KAT14: variants seen among roughly 807,000 people sequenced by gnomAD.
KAT14 encodes lysine acetyltransferase 14, also known as cysteine-rich protein 2-binding protein.
A neutral mutation model predicts 78.4 loss-of-function variants in KAT14; 66 were observed. The observed-to-expected ratio is 0.84, with a 90% CI of 0.69 to 1.03. KAT14 has a LOEUF of 1.03. Among genes scored for constraint, KAT14 ranks in the 50% least tolerant of loss-of-function variants. The pLI is 0.00. For synonymous variants in KAT14, 344 were observed against 359.4 expected, an observed-to-expected ratio of 0.96 and a Z score of 0.48; for missense variants, 870 against 972.5, an observed-to-expected ratio of 0.89 and a Z score of 1.40.
intron 4 of KAT14, among the ~76,000 whole-genome samples, chr20:18,156,941 AT>A (rs972869143): frequency 6.6e-6 from 1 of 152,194 alleles, no homozygotes; most frequent in Non-Finnish European, 1.5e-5. Context: ...CTGGCCGATA[AT>A]TTTATAAACA....
At chr20:18,154,300 T>C (rs2038146654) in intron 4 of KAT14, among the ~76,000 whole-genome samples, 2 of 152,220 alleles carry the variant, frequency 1.3e-5, no homozygotes, top group Admixed American at 1.3e-4. Flanking sequence ...TAGGACGTAC[T>C]TTATTTATTT....
chr20:18,151,111 A>C (rs2038020948), intron 4 of KAT14, among the ~76,000 whole-genome samples, 169 bp downstream of exon 4: 1 of 151,826 alleles, frequency 6.6e-6, no homozygotes, highest in Admixed American at 6.6e-5. Flanking sequence ...TGCATCCTCA[A>C]CCTCCTGGGC....
At chr20:18,138,878 C>CTGGAA (rs1331279745) in intron 1 of KAT14, among the ~76,000 whole-genome samples, 3 of 152,218 alleles carry the variant, frequency 2.0e-5, no homozygotes, top group Non-Finnish European at 4.4e-5. Flanking sequence ...AAACTCCACT[C>CTGGAA]TTCCAGAGTC....
At chr20:18,150,526 C>G (rs1159638864) in intron 3 of KAT14, among the ~76,000 whole-genome samples, 1 of 152,068 alleles carries the variant, frequency 6.6e-6, no homozygotes, top group Non-Finnish European at 1.5e-5. Flanking sequence ...TCAGCTGATT[C>G]AGGGGCATCT....
chr20:18,175,414 T>C (rs961856603), intron 7 of KAT14, among the ~76,000 whole-genome samples: 3 of 152,068 alleles, frequency 2.0e-5, no homozygotes, highest in African/African-American at 7.2e-5. Context: ...AGGAGATGGC[T>C]TAACCAAGCA....
chr20:18,180,995 C>G (rs2039227291), intron 7 of KAT14, among the ~76,000 whole-genome samples: 1 of 152,068 alleles, frequency 6.6e-6, no homozygotes, highest in Non-Finnish European at 1.5e-5. Context: ...GATAACAGAG[C>G]AATCATATAA....
At chr20:18,175,839 G>A (rs1251034192) in intron 7 of KAT14, among the ~76,000 whole-genome samples, 1 of 150,432 alleles carries the variant, frequency 6.6e-6, no homozygotes, top group Admixed American at 6.6e-5. Context: ...GGCAACATGA[G>A]GAAACCTCGT....
rs1459965937 is a variant in KAT14 at position 18,184,872 on chromosome 20, GC to G, written c.2172+83del. On this transcript the variant is annotated intron_variant, in intron 10 of 10. Coordinates refer to ENST00000688188, the MANE Select transcript of KAT14 (RefSeq NM_001392073.1). The stretch of plus-strand genomic sequence containing the variant: ...CTGGAGGAGGAATGAAGCTGAGCTA[GC>G]CCTTCCCAGCATGGCCCAATGGAAT... 29 of 1,439,730 alleles carry G rather than the reference GC, an allele frequency of 2.0e-5. No individual in the cohort carries two copies. In the African/African-American group the frequency reaches 3.2e-4, roughly 16 times the overall value. 89.2% of individuals were successfully genotyped at this position (1,439,730 alleles called of 1,614,324 possible). A position where few individuals can be genotyped will look rare whatever the true frequency, so the allele number is the denominator to read the frequency against.
chr20:18,179,772 T>G (rs2039181307), intron 7 of KAT14, among the ~76,000 whole-genome samples: 1 of 152,274 alleles, frequency 6.6e-6, no homozygotes, highest in African/African-American at 2.4e-5. Context: ...AATAGGTTTT[T>G]CTTTTCTACT....
chr20:18,138,333 C>A, intron 1 of KAT14: 1 of 1,124,332 alleles, frequency 8.9e-7, no homozygotes, highest in East Asian at 4.7e-5. Context: ...TTGCTCCGCA[C>A]AGGCACGGCA....
chr20:18,188,015 TAAAC>T lies in KAT14; in HGVS notation c.*557_*560del, dbSNP rs1166167809. ...TGACTTTGGTTACAGTCAGAAAAAA[TAAAC>T]TAGATGTTTGTGTCTACATGTTCTA... On this transcript the variant is annotated 3_prime_UTR_variant, in exon 11 of 11. Coordinates refer to ENST00000688188, the MANE Select transcript of KAT14 (RefSeq NM_001392073.1). 1 of 155,584 alleles carries T rather than the reference TAAAC, an allele frequency of 6.4e-6. No homozygotes were observed. Among genetic ancestry groups the T allele is most frequent in the Non-Finnish European group, 1.4e-5 (1 of 70,308 alleles). The allele number at this position is 155,584 out of a possible 1,614,324, so 9.6% of individuals were successfully genotyped here.
intron 7 of KAT14, among the ~76,000 whole-genome samples, 182 bp downstream of exon 7, chr20:18,163,127 A>T (rs2038510405): frequency 6.6e-6 from 1 of 152,240 alleles, no homozygotes; most frequent in South Asian, 2.1e-4. Flanking sequence ...AGAATTGTTC[A>T]TTGTAAGTAC....
At position 18,181,827 on chromosome 20, in the gene KAT14, A is replaced by C; in HGVS notation, c.1786A>C (p.Ile596Leu). The C allele has an allele frequency of 6.2e-7, 1 of 1,614,096 alleles. No homozygotes were observed. The highest frequency in any genetic ancestry group is 8.5e-7 in the Non-Finnish European group (1 of 1,180,004). ...TATTGTCAGCCCTTATACCTCTCGGATCTTGAAACCTTATATCAGGTATAT... is the reference window on the plus strand; with the variant it reads ...TATTGTCAGCCCTTATACCTCTCGGCTCTTGAAACCTTATATCAGGTATAT... ...QSIVSPYTSRILKPYIRRDYE... is the reference protein window; with the variant it reads ...QSIVSPYTSRLLKPYIRRDYE... The change falls in exon 8 of 11, where the codon ATC (isoleucine) becomes CTC (leucine). Residue 596 changes from isoleucine (I) to leucine (L), a missense_variant. By Grantham distance (5) the Ile-to-Leu change is conservative (BLOSUM62 2). Coordinates refer to ENST00000688188, the MANE Select transcript of KAT14 (RefSeq NM_001392073.1).
chr20:18,139,135 G>C (rs2037421866), intron 1 of KAT14, among the ~76,000 whole-genome samples: 1 of 152,230 alleles, frequency 6.6e-6, no homozygotes, highest in Non-Finnish European at 1.5e-5. Flanking sequence ...AATTAGAAGA[G>C]AGGAAGCATG....
intron 7 of KAT14, among the ~76,000 whole-genome samples, chr20:18,168,527 CAAAA>C (rs936310932): frequency 6.8e-6 from 1 of 147,862 alleles, no homozygotes; most frequent in South Asian, 2.1e-4. Flanking sequence ...GACTCTCTCT[CAAAA>C]AAAAAAAATT....
At chr20:18,183,818 A>G (rs966435138) in intron 9 of KAT14, among the ~76,000 whole-genome samples, 5 of 152,256 alleles carry the variant, frequency 3.3e-5, no homozygotes, top group African/African-American at 1.2e-4. Flanking sequence ...GACCAAAGTC[A>G]TTAATTAAAG....
chr20:18,140,578 G>A (rs2037495602), intron 1 of KAT14, among the ~76,000 whole-genome samples: 1 of 151,946 alleles, frequency 6.6e-6, no homozygotes, highest in South Asian at 2.1e-4. Context: ...GGGAGGCTGA[G>A]GCAGGCAGAT....
chr20:18,138,332 A>G, intron 1 of KAT14: 5 of 1,128,188 alleles, frequency 4.4e-6, no homozygotes, highest in Non-Finnish European at 5.4e-6. Context: ...CTTGCTCCGC[A>G]CAGGCACGGC....
chr20:18,187,705 T>C lies in KAT14; in HGVS notation c.*246T>C. ...GCATCCCAGACTCCACAGTTATTTATGAATGATGTCGTGATTCTCCCTCCA... is the reference window on the plus strand; with the variant it reads ...GCATCCCAGACTCCACAGTTATTTACGAATGATGTCGTGATTCTCCCTCCA... On this transcript the variant is annotated 3_prime_UTR_variant, in exon 11 of 11. Coordinates refer to ENST00000688188, the MANE Select transcript of KAT14 (RefSeq NM_001392073.1). The C allele has an allele frequency of 2.0e-6, 1 of 510,434 alleles. No individual in the cohort carries two copies. Among genetic ancestry groups the C allele is most frequent in the East Asian group, 4.0e-5 (1 of 24,726 alleles). The allele number at this position is 510,434 out of a possible 1,614,324, so 31.6% of individuals were successfully genotyped here.
Sources: allele counts gnomAD v4.1 joint callset (sites outside exome capture counted in the v4.1 genomes callset), GRCh38; gene constraint gnomAD v4.1.1; transcripts MANE v1.5; gene names NCBI Gene and HGNC (gene_info 2026-07-23, HGNC 2026-07-21).